RTN4: variants seen among roughly 807,000 people sequenced by gnomAD.
RTN4 encodes reticulon-4.
In RTN4, 32 loss-of-function variants were observed where a neutral mutation model predicts 90.4. That is an observed-to-expected ratio of 0.35 (90% CI 0.27 to 0.48). The LOEUF (loss-of-function observed/expected upper bound fraction) is 0.48. Among genes scored for constraint, RTN4 ranks in the 20% least tolerant of loss-of-function variants. The pLI, the probability that RTN4 is intolerant of heterozygous loss-of-function variation, is 0.99. For missense variants in RTN4, 1,706 were observed against 1,430.2 expected, an observed-to-expected ratio of 1.19 and a Z score of -3.11; for synonymous variants, 629 against 552.5, an observed-to-expected ratio of 1.14 and a Z score of -1.94.
rs148985007 is a variant in RTN4, at chr2:55,088,478, C to G, written c.-213-7839G>C. On this transcript the variant is annotated intron_variant, in intron 1 of 3. Transcript: ENST00000427710. ...CAAAGCCTTCCATTTTGTAGTATTT[C>G]CTCATGTTTTCTCTCAGGAGGATTA... is the stretch of plus-strand genomic sequence containing the variant. Among the ~76,000 whole-genome samples the G allele has an allele frequency of 2.5e-3, 381 of 152,274 alleles. 1 individual carries two copies. The highest frequency in any genetic ancestry group is 4.7e-3 in the Non-Finnish European group (320 of 68,024).
chr2:54,992,578 C>A (rs1361281126), intron 3 of RTN4, among the ~76,000 whole-genome samples: 1 of 151,748 alleles, frequency 6.6e-6, no homozygotes, highest in Non-Finnish European at 1.5e-5. Flanking sequence ...CAGTAGAGAA[C>A]TATAATTAAG....
At chr2:55,022,929 A>ACACACACACACACACACACACACC (rs1174140956) in intron 3 of RTN4, among the ~76,000 whole-genome samples, 1 of 149,850 alleles carries the variant, frequency 6.7e-6, no homozygotes, top group African/African-American at 2.5e-5. Flanking sequence ...ACACACACAC[A>ACACACACACACACACACACACACC]CCCTGCTCTC....
chr2:55,107,531 C>G (rs1490714603), intron 1 of RTN4, among the ~76,000 whole-genome samples: 1 of 151,970 alleles, frequency 6.6e-6, no homozygotes, highest in Non-Finnish European at 1.5e-5. Flanking sequence ...ATGAGACTGC[C>G]TGGCTGGTAC....
At chr2:55,111,397 A>C (rs1181240246) in intron 1 of RTN4, among the ~76,000 whole-genome samples, 2 of 152,232 alleles carry the variant, frequency 1.3e-5, no homozygotes, top group African/African-American at 4.8e-5. Context: ...CAACTGTGGA[A>C]AGCAGATTCT....
At chr2:54,991,190 T>C (rs1315760720) in intron 3 of RTN4, among the ~76,000 whole-genome samples, 6 of 152,324 alleles carry the variant, frequency 3.9e-5, no homozygotes, top group Admixed American at 2.6e-4. Flanking sequence ...GAAGTTAAAG[T>C]AAATGCAGAT....
At chr2:55,098,869 T>C (rs915416549) in intron 1 of RTN4, among the ~76,000 whole-genome samples, 10 of 152,168 alleles carry the variant, frequency 6.6e-5, no homozygotes, top group Admixed American at 6.5e-5. Flanking sequence ...TAGTGCAACA[T>C]GTTCCTCTGT....
upstream of RTN4, among the ~76,000 whole-genome samples, chr2:55,051,157 A>G (rs1668080107): frequency 6.6e-6 from 1 of 152,208 alleles, no homozygotes; most frequent in East Asian, 1.9e-4. Context: ...TTGGGAGGAA[A>G]ACAGCTGTGC....
intron 2 of RTN4, among the ~76,000 whole-genome samples, chr2:55,076,944 C>T (rs951685719): frequency 8.5e-5 from 13 of 152,050 alleles, no homozygotes; most frequent in Admixed American, 6.6e-5. Context: ...CTGAGTTCTT[C>T]CTAGCCATGC....
intron 3 of RTN4, among the ~76,000 whole-genome samples, chr2:55,004,767 T>C (rs1395430277): frequency 3.9e-5 from 6 of 151,966 alleles, no homozygotes. Context: ...TCAAAAAAAT[T>C]TGGAGGCTGG....
At chr2:55,052,272 G>A (rs1011102231), upstream of RTN4, among the ~76,000 whole-genome samples, 2 of 152,150 alleles carry the variant, frequency 1.3e-5, no homozygotes, top group East Asian at 1.9e-4. Context: ...ACCTCAATGC[G>A]TTATGTTAAT....
At chr2:55,064,323 A>G (rs909756996) in intron 2 of RTN4, among the ~76,000 whole-genome samples, 17 of 151,316 alleles carry the variant, frequency 1.1e-4, no homozygotes, top group Admixed American at 5.3e-4. Flanking sequence ...ACAATTATTC[A>G]TATTTAAAAT....
intron 8 of RTN4, 105 bp downstream of exon 8, chr2:54,973,458 T>A: frequency 1.1e-6 from 1 of 917,974 alleles, no homozygotes; most frequent in Non-Finnish European, 1.8e-6. Context: ...ACACTTAAGG[T>A]CTGATAGAGA....
intron 2 of RTN4, 91 bp downstream of exon 2, chr2:55,028,073 A>C (rs1296911097): frequency 2.8e-6 from 3 of 1,083,436 alleles, no homozygotes; most frequent in Non-Finnish European, 3.9e-6. Flanking sequence ...GCTAATTTTT[A>C]GTAAACCCAA....
At chr2:55,128,925 G>A in the RTN4 span, among the ~76,000 whole-genome samples, 2 of 151,584 alleles carry the variant, frequency 1.3e-5, no homozygotes, top group East Asian at 2.0e-4. Context: ...TGACCAACAC[G>A]GTGAAACCCT....
chr2:55,089,390 C>G (rs1019205271), intron 1 of RTN4, among the ~76,000 whole-genome samples: 1 of 152,168 alleles, frequency 6.6e-6, no homozygotes, highest in Non-Finnish European at 1.5e-5. Context: ...AGCCTTCACT[C>G]TGGGCTAGAG....
intron 2 of RTN4, among the ~76,000 whole-genome samples, chr2:55,027,922 A>C (rs1354030779): frequency 6.6e-6 from 1 of 152,214 alleles, no homozygotes; most frequent in Non-Finnish European, 1.5e-5. Flanking sequence ...GGAATGGTAA[A>C]TATGTAAATG....
chr2:55,069,045 G>T (rs1185152899), intron 2 of RTN4, among the ~76,000 whole-genome samples: 2 of 152,228 alleles, frequency 1.3e-5, no homozygotes, highest in Non-Finnish European at 2.9e-5. Flanking sequence ...AGTGGCACAA[G>T]GGGTGGGGAG....
At chr2:55,074,013 C>T (rs1018401095) in intron 2 of RTN4, among the ~76,000 whole-genome samples, 1 of 152,210 alleles carries the variant, frequency 6.6e-6, no homozygotes, top group Non-Finnish European at 1.5e-5. Flanking sequence ...TCCAAAACAG[C>T]TCACTTGCCC....
chr2:55,127,655 G>T, the RTN4 span, among the ~76,000 whole-genome samples: 1 of 152,134 alleles, frequency 6.6e-6, no homozygotes, highest in South Asian at 2.1e-4. Context: ...GGAGATTGAG[G>T]CCTTGGCTCA....
Sources: gnomAD v4.1 joint callset for allele counts (sites outside exome capture counted in the v4.1 genomes callset) on GRCh38, gnomAD v4.1.1 for gene constraint, MANE v1.5 for transcripts, NCBI Gene and HGNC (gene_info 2026-07-23, HGNC 2026-07-21) for gene names.